CDH12: variants seen among roughly 807,000 people sequenced by gnomAD.
The protein encoded by CDH12 is cadherin 12.
CDH12 carries 41 observed loss-of-function variants against 74.1 expected under a neutral mutation model. The observed-to-expected ratio is 0.55, with a 90% CI of 0.43 to 0.72. The LOEUF is 0.72. CDH12 is among the 30% of genes least tolerant of loss of function. The pLI is 0.00. For synonymous variants in CDH12, 399 were observed against 355.0 expected (o/e 1.12, Z -1.39); for missense variants, 945 against 977.2 (o/e 0.97, Z 0.44).
chr5:21,979,783 A>G (rs1331851788), intron 5 of CDH12, among the ~76,000 whole-genome samples: 2 of 151,790 alleles, frequency 1.3e-5, no homozygotes, highest in East Asian at 3.9e-4. Flanking sequence ...ACTAACCCAC[A>G]TGTGGATATA....
chr5:22,123,928 AT>A (rs1360040627), intron 4 of CDH12, among the ~76,000 whole-genome samples: 1 of 151,606 alleles, frequency 6.6e-6, no homozygotes, highest in Non-Finnish European at 1.5e-5. Context: ...GAGTTTTTTA[AT>A]TTTTAAAAAA....
intron 5 of CDH12, among the ~76,000 whole-genome samples, chr5:22,077,474 T>C (rs1742407777): frequency 6.6e-6 from 1 of 152,158 alleles, no homozygotes; most frequent in East Asian, 1.9e-4. Context: ...TCTATAACCA[T>C]TTCCAAACAC....
intron 3 of CDH12, among the ~76,000 whole-genome samples, chr5:22,331,310 G>A (rs1314311102): frequency 6.6e-6 from 1 of 152,192 alleles, no homozygotes. Flanking sequence ...CAGTCTCAGT[G>A]GTGGTAGCCA....
intron 3 of CDH12, among the ~76,000 whole-genome samples, chr5:22,380,038 C>G (rs1460324719): frequency 6.6e-6 from 1 of 152,152 alleles, no homozygotes; most frequent in African/African-American, 2.4e-5. Context: ...GCATTACAGG[C>G]ATGAACCACC....
At chr5:22,810,905 ATGTGTGTG>A (rs113641421) in intron 1 of CDH12, among the ~76,000 whole-genome samples, 26 of 146,858 alleles carry the variant, frequency 1.8e-4, no homozygotes, top group Admixed American at 1.6e-3. Flanking sequence ...AAACAAATAT[ATGTGTGTG>A]TGTGTGTGTG....
chr5:22,238,342 T>C (rs1752629039), intron 3 of CDH12, among the ~76,000 whole-genome samples: 1 of 152,198 alleles, frequency 6.6e-6, no homozygotes, highest in African/African-American at 2.4e-5. Context: ...GGTCAATCTA[T>C]CTTTTTTCAG....
intron 1 of CDH12, among the ~76,000 whole-genome samples, chr5:22,735,953 G>A (rs1236279587): frequency 1.3e-5 from 2 of 151,726 alleles, no homozygotes; most frequent in Admixed American, 6.6e-5. Flanking sequence ...CAATGACTAC[G>A]TCTCTGACAC....
chr5:22,573,330 C>T (rs1245706074), intron 1 of CDH12, among the ~76,000 whole-genome samples: 1 of 152,110 alleles, frequency 6.6e-6, no homozygotes, highest in Non-Finnish European at 1.5e-5. Flanking sequence ...TTCAGACTTT[C>T]TCAGAGTTTT....
intron 9 of CDH12, among the ~76,000 whole-genome samples, chr5:21,808,192 G>C (rs1460692116): frequency 6.6e-6 from 1 of 152,028 alleles, no homozygotes; most frequent in Non-Finnish European, 1.5e-5. Context: ...CTAGGAACCA[G>C]TAAGGTTACA....
intron 5 of CDH12, among the ~76,000 whole-genome samples, chr5:22,002,271 A>G (rs907352364): frequency 1.3e-5 from 2 of 152,180 alleles, no homozygotes; most frequent in African/African-American, 4.8e-5. Flanking sequence ...CTAATAAATA[A>G]TGAAACAATT....
intron 3 of CDH12, among the ~76,000 whole-genome samples, chr5:22,259,491 T>C (rs941912862): frequency 1.3e-5 from 2 of 152,056 alleles, no homozygotes; most frequent in Non-Finnish European, 2.9e-5. Flanking sequence ...AAAATGTCAG[T>C]AGCCATCGTT....
chr5:22,490,955 A>G (rs1746837318), intron 2 of CDH12, among the ~76,000 whole-genome samples: 1 of 151,964 alleles, frequency 6.6e-6, no homozygotes, highest in Non-Finnish European at 1.5e-5. Context: ...CTTTTATTTT[A>G]TTTTGTTTTT....
chr5:22,553,586 G>GA (rs983120300), intron 1 of CDH12, among the ~76,000 whole-genome samples: 15 of 151,726 alleles, frequency 9.9e-5, no homozygotes, highest in African/African-American at 1.7e-4. Flanking sequence ...AGATCTATAT[G>GA]AAAAAAAACT....
chr5:22,731,377 T>G (rs1744423920), intron 1 of CDH12, among the ~76,000 whole-genome samples: 1 of 151,904 alleles, frequency 6.6e-6, no homozygotes, highest in South Asian at 2.1e-4. Context: ...TGTACTATTG[T>G]CATTAAAACA....
At chr5:21,813,053 G>C (rs1381312243) in intron 9 of CDH12, among the ~76,000 whole-genome samples, 3 of 152,120 alleles carry the variant, frequency 2.0e-5, no homozygotes, top group African/African-American at 7.2e-5. Flanking sequence ...CACCATCTCT[G>C]TTGCTGTACC....
chr5:22,681,476 C>A (rs183674519), intron 1 of CDH12, among the ~76,000 whole-genome samples: 1 of 152,022 alleles, frequency 6.6e-6, no homozygotes, highest in African/African-American at 2.4e-5. Context: ...GCATTGCATG[C>A]TGGGTGGAAT....
At chr5:22,845,352 C>G (rs1185524680) in intron 1 of CDH12, among the ~76,000 whole-genome samples, 2 of 152,226 alleles carry the variant, frequency 1.3e-5, no homozygotes, top group Non-Finnish European at 2.9e-5. Context: ...GAGTATGTCT[C>G]ACACCCCTCC....
chr5:21,822,475 T>C (rs1325048081), intron 8 of CDH12, among the ~76,000 whole-genome samples: 5 of 152,016 alleles, frequency 3.3e-5, no homozygotes, highest in African/African-American at 1.2e-4. Context: ...TGCCCTCTAT[T>C]TCCTTAAAAG....
chr5:22,195,032 T>C (rs1434066744), intron 4 of CDH12, among the ~76,000 whole-genome samples: 3 of 152,138 alleles, frequency 2.0e-5, no homozygotes, highest in African/African-American at 4.8e-5. Context: ...TTGATGAAAA[T>C]AGGACCTGAT....
Sources: allele counts gnomAD v4.1 joint callset (sites outside exome capture counted in the v4.1 genomes callset), GRCh38; gene constraint gnomAD v4.1.1; transcripts MANE v1.5; gene names NCBI Gene and HGNC (gene_info 2026-07-23, HGNC 2026-07-21).